Variants in TEAD1 observed in about 807,000 individuals in gnomAD.
The protein encoded by TEAD1 is transcriptional enhancer factor TEF-1.
In TEAD1, 9 loss-of-function variants were observed where a neutral mutation model predicts 54.9. The observed-to-expected ratio is 0.16, with a 90% CI of 0.10 to 0.29. The LOEUF is 0.29. TEAD1 is among the 10% of genes least tolerant of loss of function. TEAD1 has a pLI of 1.00. For synonymous variants in TEAD1, 200 were observed against 187.8 expected (o/e 1.07, Z -0.53); for missense variants, 387 against 535.9 (o/e 0.72, Z 2.74).
intron 2 of TEAD1, among the ~76,000 whole-genome samples, chr11:12,744,478 G>C (rs1303202196): frequency 6.6e-6 from 1 of 152,178 alleles, no homozygotes; most frequent in Non-Finnish European, 1.5e-5. Flanking sequence ...AACTATTTCT[G>C]ACTGTGAAAT....
chr11:12,885,244 T>A (rs1015975890), intron 9 of TEAD1, among the ~76,000 whole-genome samples: 56 of 150,400 alleles, frequency 3.7e-4, no homozygotes, highest in African/African-American at 1.3e-3. Context: ...CTTTTTTTTT[T>A]TTTTTTTTTG....
rs1030337166 is a variant in TEAD1 at position 12,838,912 on chromosome 11, C to T, written c.203-23338C>T. On this transcript the variant is annotated intron_variant, in intron 3 of 12. Transcript: ENST00000527636. ...GGAAGCTTGGATGAGAAACCACACA[C>T]GTGACATAAAATGGTTTCTCAACAG... Among the ~76,000 whole-genome samples, 45 of 152,120 alleles carry T rather than the reference C, an allele frequency of 3.0e-4. 1 individual carries two copies. Among genetic ancestry groups the T allele is most frequent in the Non-Finnish European group, 7.4e-5 (5 of 68,026 alleles).
intron 11 of TEAD1, 44 bp from the exon 12 acceptor site, chr11:12,930,130 G>C (rs755103070): frequency 1.2e-6 from 2 of 1,612,712 alleles, no homozygotes; most frequent in East Asian, 4.5e-5. Context: ...CATGTGTTTT[G>C]GAGTCAAAAG....
Position 12,910,830 on chromosome 11 carries a change from T to C in TEAD1, c.873+8717T>C, listed in dbSNP as rs539464359. Among the ~76,000 whole-genome samples, 4 of 145,916 alleles carry C rather than the reference T, an allele frequency of 2.7e-5. No individual in the cohort carries two copies. The South Asian group carries it at 8.9e-4, about 33-fold the overall frequency. ...GGCACAGTCTCGGCTCACTGCAACC[T>C]CTGCCTGTCGGGTTCAAGCGATTCT... On this transcript the variant is annotated intron_variant, in intron 10 of 12. Transcript: ENST00000527636.
At chr11:12,878,917 A>T in intron 5 of TEAD1, 3 of 1,286,976 alleles carry the variant, frequency 2.3e-6, no homozygotes, top group Non-Finnish European at 3.0e-6. Flanking sequence ...ATTTTCACCA[A>T]ACTGAGTATT....
intron 1 of TEAD1, among the ~76,000 whole-genome samples, 154 bp from the exon 2 acceptor site, chr11:12,675,255 G>C (rs1564902881): frequency 6.6e-6 from 1 of 151,918 alleles, no homozygotes; most frequent in African/African-American, 2.4e-5. Context: ...GGAGCCCGGA[G>C]CCGGCCTGCA....
rs144389257 is a variant in TEAD1, at chr11:12,899,206, C to T, written c.700-2734C>T. 1.9e-3 allele frequency among the ~76,000 whole-genome samples: 296 copies of T among 152,220 alleles called. 1 individual carries two copies. Among genetic ancestry groups the T allele is most frequent in the Non-Finnish European group, 3.6e-3 (243 of 68,008 alleles). On this transcript the variant is annotated intron_variant, in intron 9 of 12. Coordinates refer to ENST00000527636, the MANE Select transcript of TEAD1 (RefSeq NM_021961.6). ...CAGAAGGCGCTAGAATGGACAGAAG[C>T]GGTGCCTTCTGGAACTGGGGCGGTC...
intron 2 of TEAD1, among the ~76,000 whole-genome samples, chr11:12,717,058 G>A (rs931874570): frequency 1.3e-5 from 2 of 152,178 alleles, no homozygotes; most frequent in African/African-American, 4.8e-5. Flanking sequence ...ACAGAGAAAG[G>A]TTCCTGCATG....
At chr11:12,759,620 T>C (rs1323095048) in intron 2 of TEAD1, among the ~76,000 whole-genome samples, 1 of 152,184 alleles carries the variant, frequency 6.6e-6, no homozygotes, top group East Asian at 1.9e-4. Context: ...CCCAGCACTT[T>C]GGGAGTCCAA....
chr11:12,757,115 A>T (rs757024079), intron 2 of TEAD1, among the ~76,000 whole-genome samples: 43 of 152,282 alleles, frequency 2.8e-4, no homozygotes, highest in Middle Eastern at 3.4e-3. Flanking sequence ...AGTGGCCCTC[A>T]CTTCTACTGA....
At chr11:12,794,152 G>A (rs1277141074) in intron 3 of TEAD1, among the ~76,000 whole-genome samples, 1 of 152,192 alleles carries the variant, frequency 6.6e-6, no homozygotes, top group Non-Finnish European at 1.5e-5. Flanking sequence ...CCACTTCTAG[G>A]TATGAGCTGT....
intron 2 of TEAD1, among the ~76,000 whole-genome samples, chr11:12,755,046 A>G (rs886132968): frequency 6.6e-6 from 1 of 152,176 alleles, no homozygotes; most frequent in African/African-American, 2.4e-5. Flanking sequence ...TGCTGCTGGG[A>G]CCTGGAGTGA....
chr11:12,823,432 G>A (rs1156697017), intron 3 of TEAD1: 1 of 152,180 alleles, frequency 6.6e-6, no homozygotes, highest in African/African-American at 2.4e-5. Flanking sequence ...AGTCCCTGAA[G>A]GCGTTTGGAA....
chr11:12,834,127 G>A (rs982952417), intron 3 of TEAD1, among the ~76,000 whole-genome samples: 1 of 152,172 alleles, frequency 6.6e-6, no homozygotes, highest in Non-Finnish European at 1.5e-5. Context: ...AGTGGCTGAC[G>A]ACCAGCCCTG....
intron 3 of TEAD1, among the ~76,000 whole-genome samples, chr11:12,778,830 A>C (rs1370109121): frequency 6.6e-6 from 1 of 152,202 alleles, no homozygotes; most frequent in Non-Finnish European, 1.5e-5. Flanking sequence ...TGAAGCACAG[A>C]GACCAGGATG....
intron 3 of TEAD1, among the ~76,000 whole-genome samples, chr11:12,827,209 A>G (rs958289709): frequency 2.6e-5 from 4 of 152,190 alleles, no homozygotes; most frequent in Admixed American, 6.5e-5. Flanking sequence ...GTTAGCCCTG[A>G]ACTTACATAT....
intron 12 of TEAD1, among the ~76,000 whole-genome samples, chr11:12,936,398 AC>A (rs1366010162): frequency 2.0e-5 from 3 of 152,168 alleles, no homozygotes; most frequent in Non-Finnish European, 4.4e-5. Flanking sequence ...ACAGGATTCT[AC>A]CTATCCCACT....
intron 3 of TEAD1, among the ~76,000 whole-genome samples, chr11:12,817,098 A>G (rs756432380): frequency 1.3e-5 from 2 of 152,230 alleles, no homozygotes; most frequent in Non-Finnish European, 2.9e-5. Flanking sequence ...GGCTCACGCT[A>G]GCTACTTTGC....
chr11:12,931,936 C>T (rs1351042407), intron 12 of TEAD1, among the ~76,000 whole-genome samples: 1 of 152,050 alleles, frequency 6.6e-6, no homozygotes, highest in Non-Finnish European at 1.5e-5. Flanking sequence ...TTAAGCTCTG[C>T]ATGTAGTTGA....
Sources: gnomAD v4.1 joint callset for allele counts (sites outside exome capture counted in the v4.1 genomes callset) on GRCh38, gnomAD v4.1.1 for gene constraint, MANE v1.5 for transcripts, NCBI Gene and HGNC (gene_info 2026-07-23, HGNC 2026-07-21) for gene names.